The following CELA3B variants were observed in gnomAD, a reference collection of about 807,000 sequenced individuals.
The protein encoded by CELA3B is chymotrypsin-like elastase family member 3B.
A neutral mutation model predicts 37.2 loss-of-function variants in CELA3B; 34 were observed. The observed-to-expected ratio is 0.91, with a 90% CI of 0.70 to 1.22. CELA3B has a LOEUF of 1.22. CELA3B is among the 50% of genes most tolerant of loss of function. The probability of loss-of-function intolerance (pLI) is 0.00; values close to 1 mark genes in which losing one functional copy is unlikely to be tolerated. For missense variants in CELA3B, 340 were observed against 363.1 expected (o/e 0.94, Z 0.52); for synonymous variants, 127 against 143.5 (o/e 0.89, Z 0.82).
intron 4 of CELA3B, among the ~76,000 whole-genome samples, chr1:21,981,794 C>G (rs926968179): frequency 6.6e-6 from 1 of 151,504 alleles, no homozygotes; most frequent in East Asian, 1.9e-4. Flanking sequence ...GGCACGATCT[C>G]GGCTCACTGC....
intron 2 of CELA3B, 62 bp downstream of exon 2, chr1:21,978,516 C>T (rs1323981096): frequency 2.8e-5 from 44 of 1,579,206 alleles, no homozygotes; most frequent in South Asian, 2.2e-5. Flanking sequence ...GCTCTAATGG[C>T]GCGGCATCCA....
chr1:21,989,056 C>T (rs532615758), intron 7 of CELA3B, among the ~76,000 whole-genome samples: 4 of 151,810 alleles, frequency 2.6e-5, no homozygotes, highest in Non-Finnish European at 4.4e-5. Flanking sequence ...GTAGAGAGAA[C>T]CTTAGTTAAC....
chr1:21,978,761 T>C (rs1644786406), intron 2 of CELA3B, among the ~76,000 whole-genome samples: 1 of 152,108 alleles, frequency 6.6e-6, no homozygotes, highest in Non-Finnish European at 1.5e-5. Context: ...GAGAGACTCA[T>C]TTCTAGATTC....
At chr1:21,984,544 A>G (rs148779281) in intron 6 of CELA3B, among the ~76,000 whole-genome samples, 4,347 of 152,068 alleles carry the variant, frequency 0.029, 187 homozygotes, top group African/African-American at 0.097. Flanking sequence ...ACACACTGAC[A>G]TGACTTGGGA....
chr1:21,980,194 G>C (rs1478326024), intron 2 of CELA3B, among the ~76,000 whole-genome samples: 2 of 132,148 alleles, frequency 1.5e-5, no homozygotes, highest in African/African-American at 2.8e-5. Flanking sequence ...AAAAGAGTCA[G>C]GGGGGCTGGG....
chr1:21,981,787 A>G (rs1377291970), intron 4 of CELA3B, among the ~76,000 whole-genome samples: 5 of 150,812 alleles, frequency 3.3e-5, no homozygotes, highest in Admixed American at 6.7e-5. Context: ...GTACAGTGGC[A>G]CGATCTCGGC....
chr1:21,991,458 C>G (rs1644868116), downstream of CELA3B, among the ~76,000 whole-genome samples: 1 of 150,464 alleles, frequency 6.6e-6, no homozygotes, highest in Admixed American at 6.6e-5. Flanking sequence ...GCCTCAGCCT[C>G]CCAAGCAGCT....
intron 2 of CELA3B, among the ~76,000 whole-genome samples, chr1:21,980,448 C>T (rs1324361593): frequency 6.6e-6 from 1 of 152,080 alleles, no homozygotes; most frequent in African/African-American, 2.4e-5. Flanking sequence ...CCATTGCACT[C>T]CAGCCTGGGG....
At chr1:21,998,469 C>T (rs1388762567) in exon 5 of CELA3B, 2 of 236,244 alleles carry the variant, frequency 8.5e-6, no homozygotes, top group Non-Finnish European at 9.0e-6. Flanking sequence ...AGGACACCAT[C>T]CAGATGCTGC....
rs566448403 is a variant in CELA3B, at chr1:21,985,449, A to T, written c.643-1082A>T. ...TGTGCCACAATGCCTAGCTAATTTTAAAATTTTTTGTAGAGATGAAGTCTC... is the reference window on the plus strand; with the variant it reads ...TGTGCCACAATGCCTAGCTAATTTTTAAATTTTTTGTAGAGATGAAGTCTC... On this transcript the variant is annotated intron_variant, in intron 6 of 7. Transcript: ENST00000337107. 4.4e-4 allele frequency among the ~76,000 whole-genome samples: 67 copies of T among 152,106 alleles called. 1 individual carries two copies. The highest frequency in any genetic ancestry group is 6.8e-4 in the Non-Finnish European group (46 of 68,000).
At chr1:21,996,303 A>T (rs1327710866) in intron 4 of CELA3B, among the ~76,000 whole-genome samples, 1 of 151,148 alleles carries the variant, frequency 6.6e-6, no homozygotes, top group Non-Finnish European at 1.5e-5. Flanking sequence ...CACAAAATAC[A>T]GCTCATAAAG....
chr1:21,983,552 AT>A (rs1440056032), intron 4 of CELA3B, 141 bp from the exon 5 acceptor site: 1 of 1,328,866 alleles, frequency 7.5e-7, no homozygotes, highest in East Asian at 2.4e-5. Flanking sequence ...AATAATAATG[AT>A]GATGATGATG....
At chr1:21,984,142 AGC>A (rs1418941389) in intron 5 of CELA3B, 45 bp from the exon 6 acceptor site, 3 of 1,589,338 alleles carry the variant, frequency 1.9e-6, no homozygotes, top group Non-Finnish European at 2.6e-6. Context: ...TGGGGCTCCT[AGC>A]CCTGTGCCCC....
At chr1:21,989,659 A>G (rs1182562650), downstream of CELA3B, among the ~76,000 whole-genome samples, 4 of 150,836 alleles carry the variant, frequency 2.7e-5, no homozygotes, top group Admixed American at 6.6e-5. Context: ...GCAGGCATAT[A>G]AACATGGTAA....
At chr1:21,997,647 C>A (rs184896407) in intron 4 of CELA3B, among the ~76,000 whole-genome samples, 12 of 150,438 alleles carry the variant, frequency 8.0e-5, no homozygotes, top group Non-Finnish European at 1.5e-4. Flanking sequence ...CGAGATCTAG[C>A]CATTGCACTC....
Position 21,994,729 on chromosome 1 carries a change from G to C in CELA3B, c.505-3422G>C, listed in dbSNP as rs1274258299. ...CATTTCCTAGTTGTGGCCAGGCATG[G>C]TGGCTCAGATCTGTAATCCCAGCAC... On this transcript the variant is annotated intron_variant, in intron 4 of 4. Coordinates refer to the CELA3B transcript ENST00000400277. Among the ~76,000 whole-genome samples, 6 of 151,154 alleles carry C rather than the reference G, an allele frequency of 4.0e-5. 1 individual carries two copies. The highest frequency in any genetic ancestry group is 3.9e-4 in the East Asian group (2 of 5,096).
At chr1:21,984,903 C>T (rs534753133) in intron 6 of CELA3B, among the ~76,000 whole-genome samples, 8 of 151,794 alleles carry the variant, frequency 5.3e-5, no homozygotes, top group African/African-American at 1.9e-4. Context: ...GTGGAGATCG[C>T]ACCATTGCAC....
intron 6 of CELA3B, among the ~76,000 whole-genome samples, chr1:21,985,310 C>G (rs1332745610): frequency 2.1e-5 from 3 of 142,834 alleles, no homozygotes; most frequent in Admixed American, 7.3e-5. Context: ...CAGGATCTTG[C>G]TCTGTTGCCC....
downstream of CELA3B, among the ~76,000 whole-genome samples, chr1:21,989,588 A>T (rs1644860434): frequency 6.8e-6 from 1 of 148,080 alleles, no homozygotes. Flanking sequence ...AGGTACCAGG[A>T]AAAATGGGAC....
Sources: allele counts gnomAD v4.1 joint callset (sites outside exome capture counted in the v4.1 genomes callset), GRCh38; gene constraint gnomAD v4.1.1; transcripts MANE v1.5; gene names NCBI Gene and HGNC (gene_info 2026-07-23, HGNC 2026-07-21).